ABCC3: variants seen among roughly 807,000 people sequenced by gnomAD.
ABCC3 encodes the protein ATP binding cassette subfamily C member 3.
ABCC3 carries 121 observed loss-of-function variants against 165.3 expected under a neutral mutation model. The observed-to-expected ratio is 0.73, with a 90% CI of 0.63 to 0.85. ABCC3 has a LOEUF of 0.85. ABCC3 is among the 40% of genes least tolerant of loss of function. The pLI, the probability that ABCC3 is intolerant of heterozygous loss-of-function variation, is 0.00. For synonymous variants in ABCC3, 733 were observed against 810.1 expected, an observed-to-expected ratio of 0.90 and a Z score of 1.62; for missense variants, 1,869 against 1,964.1, an observed-to-expected ratio of 0.95 and a Z score of 0.92.
Position 50,659,067 on chromosome 17 carries a change from C to G in ABCC3, c.675-170C>G, listed in dbSNP as rs1967320483. 5.3e-6 allele frequency: 4 copies of G among 754,108 alleles called. No homozygotes were observed. In the Admixed American group the frequency reaches 1.1e-4, roughly 20 times the overall value. The allele number at this position is 754,108 out of a possible 1,614,324, so 46.7% of individuals were successfully genotyped here. On this transcript the variant is annotated intron_variant, in intron 6 of 30. Coordinates refer to ENST00000285238, the MANE Select transcript of ABCC3 (RefSeq NM_003786.4). The stretch of plus-strand genomic sequence containing the variant: ...GAACTTCGGAGGGAGAGCCAGTGAC[C>G]TCAAGCCTATTCACTGAGGAAATGA...
At chr17:50,648,316 G>A (rs1967043764) in intron 1 of ABCC3, among the ~76,000 whole-genome samples, 1 of 152,142 alleles carries the variant, frequency 6.6e-6, no homozygotes, top group African/African-American at 2.4e-5. Context: ...GGGATTGGAG[G>A]GCTGAAGGAG....
chr17:50,666,870 C>T (rs1967536174), intron 11 of ABCC3, among the ~76,000 whole-genome samples: 1 of 152,158 alleles, frequency 6.6e-6, no homozygotes, highest in African/African-American at 2.4e-5. Context: ...ATTAGAGAAA[C>T]ATATATGTAA....
At chr17:50,689,805 C>T (rs1156835589) in intron 30 of ABCC3, among the ~76,000 whole-genome samples, 2 of 152,212 alleles carry the variant, frequency 1.3e-5, no homozygotes, top group Non-Finnish European at 2.9e-5. Flanking sequence ...AGGGACAGGG[C>T]TGGGCTGAGA....
chr17:50,668,943 C>T lies in ABCC3; in HGVS notation c.1937+24C>T, dbSNP rs1350749379. The T allele has an allele frequency of 4.3e-6, 7 of 1,612,716 alleles. No individual in the cohort carries two copies. In the African/African-American group the frequency reaches 8.0e-5, roughly 18 times the overall value. ...AGGTACCAGCTTCTCCCACTCCCTT[C>T]CCAGCTGCCCACGGTGGGCTGGAAG... On this transcript the variant is annotated intron_variant, in intron 15 of 30. Coordinates refer to ENST00000285238, the MANE Select transcript of ABCC3 (RefSeq NM_003786.4).
Position 50,676,158 on chromosome 17 carries a change from A to G in ABCC3, c.3067+68A>G, listed in dbSNP as rs1967800983. On this transcript the variant is annotated intron_variant, in intron 22 of 30. Transcript: ENST00000285238. ...CTTCTCTGGGCTGCCAGGCCCCCCA[A>G]ACCGTGCCCTTGCATCCAAGCCTCC... The G allele has an allele frequency of 3.7e-6, 6 of 1,602,106 alleles. No homozygotes were observed. The East Asian group carries it at 9.0e-5, about 24-fold the overall frequency.
At chr17:50,651,456 C>G (rs1204365365) in intron 1 of ABCC3, among the ~76,000 whole-genome samples, 1 of 152,208 alleles carries the variant, frequency 6.6e-6, no homozygotes, top group African/African-American at 2.4e-5. Context: ...AGCGTGGTGG[C>G]TCACGCCTGT....
intron 26 of ABCC3, among the ~76,000 whole-genome samples, chr17:50,680,235 C>T (rs1031809508): frequency 1.4e-4 from 22 of 152,130 alleles, no homozygotes; most frequent in African/African-American, 4.3e-4. Context: ...CCAGGGGAGA[C>T]GAGCTTAGAT....
At chr17:50,686,836 A>G (rs926999036) in intron 29 of ABCC3, among the ~76,000 whole-genome samples, 2 of 151,866 alleles carry the variant, frequency 1.3e-5, no homozygotes, top group African/African-American at 4.8e-5. Context: ...CCCGGACTTT[A>G]CTCCGGCTGT....
At chr17:50,675,575 C>T in intron 20 of ABCC3, 56 bp from the exon 21 acceptor site, 1 of 1,559,608 alleles carries the variant, frequency 6.4e-7, no homozygotes, top group Non-Finnish European at 8.7e-7. Flanking sequence ...CTCCCAGCCT[C>T]TGTCCTGGGG....
In ABCC3 at chr17:50,684,093, A is replaced by G; in HGVS notation, c.4099A>G (p.Thr1367Ala). 1 of 1,612,792 alleles carries G rather than the reference A, an allele frequency of 6.2e-7. No homozygotes were observed. The highest frequency in any genetic ancestry group is 1.1e-5 in the South Asian group (1 of 91,006). The change falls in exon 28 of 31, where the codon ACC becomes GCC. Residue 1367 changes from threonine (T) to alanine (A), a missense_variant. Transcript: ENST00000285238. ...IGLHDLRSQL[T>A]IIPQDPILFS... The stretch of plus-strand genomic sequence containing the variant: ...CCTCCATGACCTGCGCTCTCAGCTG[A>G]CCATCATCCCGCAGGTAGGAGCCTG...
At position 50,677,885 on chromosome 17, in the gene ABCC3, A is replaced by C; in HGVS notation, c.3520A>C (p.Ser1174Arg). 3 of 1,614,148 alleles carry C rather than the reference A, an allele frequency of 1.9e-6. No homozygotes were observed. Among genetic ancestry groups the C allele is most frequent in the Non-Finnish European group, 2.5e-6 (3 of 1,180,024 alleles). The stretch of plus-strand genomic sequence containing the variant: ...CCGCAGCCGGGATTTTGAGATCATC[A>C]GTGATACTAAGGTGGATGCCAACCA... ...YNRSRDFEII[S>R]DTKVDANQRS... Residue 1174 changes from serine to arginine, a missense_variant, in exon 24 of 31, where the codon AGT (serine) becomes CGT (arginine). Transcript: ENST00000285238.
intron 1 of ABCC3, chr17:50,635,854 G>A: frequency 2.3e-6 from 1 of 428,044 alleles, no homozygotes; most frequent in Non-Finnish European, 4.2e-6. Flanking sequence ...CTGCACTGTG[G>A]CCTGGGCGAA....
chr17:50,675,022 T>G (rs1967769911), intron 19 of ABCC3, among the ~76,000 whole-genome samples: 1 of 151,936 alleles, frequency 6.6e-6, no homozygotes. Flanking sequence ...CTGGTCTCGA[T>G]CTCCTGACCT....
intron 1 of ABCC3, chr17:50,643,539 G>C: frequency 2.2e-6 from 1 of 456,318 alleles, no homozygotes. Flanking sequence ...ACGTGCCACT[G>C]TATCTGCAGA....
chr17:50,666,190 G>A (rs59770448), intron 11 of ABCC3, among the ~76,000 whole-genome samples: 1,567 of 152,192 alleles, frequency 0.01, 19 homozygotes, highest in African/African-American at 0.034. Context: ...TCACTTCCTC[G>A]GCTGGGCACG....
chr17:50,668,531 CT>C lies in ABCC3; in HGVS notation c.1870+15del. ...CCATCTCCCCAGGTCTAGAGAGCCC[CT>C]ACCTGGGCTGCCTGCCCCAGTCCTT... is the stretch of plus-strand genomic sequence containing the variant. On this transcript the variant is annotated intron_variant, in intron 14 of 30. Coordinates refer to ENST00000285238, the MANE Select transcript of ABCC3 (RefSeq NM_003786.4). The C allele has an allele frequency of 6.2e-7, 1 of 1,600,902 alleles. No individual in the cohort carries two copies. The highest frequency in any genetic ancestry group is 1.3e-5 in the African/African-American group (1 of 74,632).
chr17:50,668,950 G>A (rs1291909679), intron 15 of ABCC3, 31 bp downstream of exon 15: 2 of 1,610,540 alleles, frequency 1.2e-6, no homozygotes, highest in South Asian at 2.2e-5. Flanking sequence ...CTTCCCAGCT[G>A]CCCACGGTGG....
Position 50,687,212 on chromosome 17 carries a change from A to G in ABCC3, c.4281-324A>G, listed in dbSNP as rs1968037451. 3 of 351,524 alleles carry G rather than the reference A, an allele frequency of 8.5e-6. No homozygotes were observed. The Admixed American group carries it at 1.2e-4, about 14-fold the overall frequency. 21.8% of individuals were successfully genotyped at this position (351,524 alleles called of 1,614,324 possible). A position where few individuals can be genotyped will look rare whatever the true frequency, so the allele number is the denominator to read the frequency against. Reference sequence around the variant, plus strand: ...GTTCTTACTAAGGTGTAAATGGCTGATAGAGTGAAGCAGAGAAACATCACG... The same window carrying G: ...GTTCTTACTAAGGTGTAAATGGCTGGTAGAGTGAAGCAGAGAAACATCACG... On this transcript the variant is annotated intron_variant, in intron 29 of 30. Transcript: ENST00000285238.
chr17:50,678,242 G>A lies in ABCC3; in HGVS notation c.3705+23G>A, dbSNP rs546892152. On this transcript the variant is annotated intron_variant, in intron 25 of 30. Transcript: ENST00000285238. ...CAGGTATGAAGGGCCTGGACCCCAG[G>A]GCAGGGCCACCACTGGGACAGAAAC... is the stretch of plus-strand genomic sequence containing the variant. 18 of 1,513,596 alleles carry A rather than the reference G, an allele frequency of 1.2e-5. 2 individuals carry two copies. In the South Asian group the frequency reaches 2.4e-4, roughly 20 times the overall value. The allele number at this position is 1,513,596 out of a possible 1,614,324, so 93.8% of individuals were successfully genotyped here.
Sources: allele counts gnomAD v4.1 joint callset (sites outside exome capture counted in the v4.1 genomes callset), GRCh38; gene constraint gnomAD v4.1.1; transcripts MANE v1.5; gene names NCBI Gene and HGNC (gene_info 2026-07-23, HGNC 2026-07-21).